CAPN15: variants seen among roughly 807,000 people sequenced by gnomAD.
CAPN15 encodes calpain 15, also known as calpain-15.
In CAPN15, 53 loss-of-function variants were observed where a neutral mutation model predicts 97.9. The ratio of observed to expected loss-of-function variants is 0.54; its 90% confidence interval spans 0.43 to 0.68. The LOEUF is 0.68. Ranked by LOEUF, CAPN15 falls within the 30% of genes least tolerant of loss-of-function variation. The pLI is 0.00. For synonymous variants in CAPN15, 922 were observed against 722.5 expected (o/e 1.28, Z -4.43); for missense variants, 1,592 against 1,589.8 (o/e 1.00, Z -0.02).
Position 549,479 on chromosome 16 carries a change from G to A in CAPN15, c.1842+8G>A, listed in dbSNP as rs752761780. On this transcript the variant is annotated splice_region_variant and intron_variant, in intron 6 of 13. Coordinates refer to ENST00000219611, the MANE Select transcript of CAPN15 (RefSeq NM_005632.3). Reference sequence around the variant, plus strand: ...TGCCTCCTCTTCTCACAGGTGGGGCGGCCTGCAGGGTGGGCACGGGCGGCA... The same window carrying A: ...TGCCTCCTCTTCTCACAGGTGGGGCAGCCTGCAGGGTGGGCACGGGCGGCA... The A allele has an allele frequency of 3.5e-5, 56 of 1,581,860 alleles. No homozygotes were observed. In the South Asian group the frequency reaches 4.1e-4, roughly 11 times the overall value.
chr16:542,864 G>C (rs563758182), intron 3 of CAPN15, among the ~76,000 whole-genome samples: 2 of 152,158 alleles, frequency 1.3e-5, no homozygotes, highest in East Asian at 1.9e-4. Context: ...GACCAGCCTG[G>C]CCAACATGGT....
intron 5 of CAPN15, 30 bp downstream of exon 5, chr16:549,231 C>T (rs913278223): frequency 3.8e-4 from 24 of 62,968 alleles, no homozygotes; most frequent in Middle Eastern, 5.6e-3. Flanking sequence ...CGGGGTGGGG[C>T]GGGTGGGCGG....
intron 1 of CAPN15, among the ~76,000 whole-genome samples, chr16:533,390 G>A (rs2141954696): frequency 1.3e-5 from 2 of 152,296 alleles, no homozygotes; most frequent in Middle Eastern, 6.8e-3. Flanking sequence ...AAGCAAAGCC[G>A]CCTGGCTCGA....
intron 1 of CAPN15, among the ~76,000 whole-genome samples, chr16:529,685 T>G (rs1321336010): frequency 6.6e-6 from 1 of 152,116 alleles, no homozygotes; most frequent in African/African-American, 2.4e-5. Flanking sequence ...ATGCCTCTAC[T>G]CATGGCAACA....
chr16:534,405 T>A (rs1340564914), intron 2 of CAPN15, among the ~76,000 whole-genome samples: 1 of 152,154 alleles, frequency 6.6e-6, no homozygotes, highest in African/African-American at 2.4e-5. Flanking sequence ...CCTGCACCTG[T>A]TTCTGGAGAA....
chr16:547,805 G>A lies in CAPN15; in HGVS notation c.967G>A (p.Asp323Asn), dbSNP rs756247559. 1 of 1,612,020 alleles carries A rather than the reference G, an allele frequency of 6.2e-7. No individual in the cohort carries two copies. Among genetic ancestry groups the A allele is most frequent in the South Asian group, 1.1e-5 (1 of 91,006 alleles). Reference protein sequence around the residue: ...GSSTSGSDIIDLAGDTVRYTP... With the variant: ...GSSTSGSDIINLAGDTVRYTP... ...CTCCACCTCGGGCAGTGACATCATT[G>A]ACCTGGCCGGAGACACCGTGCGTTA... is the stretch of plus-strand genomic sequence containing the variant. The change falls in exon 4 of 14, where the codon GAC becomes AAC. Residue 323 changes from aspartate to asparagine, a missense_variant. Asp to Asn is a conservative substitution (Grantham distance 23). Around this residue, in one of 3 missense-constraint regions of CAPN15, gnomAD observed 883 missense variants for 776.6 expected, o/e 1.14. Coordinates refer to ENST00000219611, the MANE Select transcript of CAPN15 (RefSeq NM_005632.3).
chr16:532,272 G>A (rs1053620249), intron 1 of CAPN15, among the ~76,000 whole-genome samples: 9 of 150,160 alleles, frequency 6.0e-5, no homozygotes, highest in Non-Finnish European at 1.3e-4. Flanking sequence ...AGTAGAATTC[G>A]GTTGGGCTCA....
At chr16:541,193 G>A (rs866367296) in intron 3 of CAPN15, among the ~76,000 whole-genome samples, 1 of 152,248 alleles carries the variant, frequency 6.6e-6, no homozygotes, top group South Asian at 2.1e-4. Flanking sequence ...AGTGGGCAAG[G>A]CCATGGCAGG....
At chr16:534,069 C>A in intron 2 of CAPN15, 71 bp downstream of exon 2, 2 of 843,594 alleles carry the variant, frequency 2.4e-6, no homozygotes, top group Non-Finnish European at 2.9e-6. Context: ...TGTGGAGCAG[C>A]AGGGTTGGAG....
Position 533,978 on chromosome 16 carries a change from G to C in CAPN15, c.-157G>C. 2.0e-6 allele frequency: 2 copies of C among 985,458 alleles called. No homozygotes were observed. The highest frequency in any genetic ancestry group is 2.4e-6 in the Non-Finnish European group (2 of 829,934). The allele number at this position is 985,458 out of a possible 1,614,324, so 61.0% of individuals were successfully genotyped here. A position where few individuals can be genotyped will look rare whatever the true frequency, so the allele number is the denominator to read the frequency against. On this transcript the variant is annotated 5_prime_UTR_variant, in exon 2 of 14. Transcript: ENST00000219611. ...CCCAGACGCGGCACAGAGAGGGCCT[G>C]GGAGCTTGCTGCAGCTTCAGGTGAG...
chr16:552,853 C>T lies in CAPN15; in HGVS notation c.2905-10C>T. The T allele has an allele frequency of 1.3e-6, 2 of 1,589,340 alleles. No individual in the cohort carries two copies. The highest frequency in any genetic ancestry group is 1.3e-5 in the African/African-American group (1 of 74,556). ...CTCCCCTGCCCCACAACTGCCATTC[C>T]TGTGCCCAGGGCCGTGAGGGCATGA... On this transcript the variant is annotated splice_polypyrimidine_tract_variant and intron_variant, in intron 12 of 13. Transcript: ENST00000219611. This position sits in a 1 kb window ranked among gnomAD's most constrained non-coding sequence, Gnocchi z 6.4.
chr16:544,646 G>C (rs911150362), intron 3 of CAPN15, among the ~76,000 whole-genome samples: 1 of 151,218 alleles, frequency 6.6e-6, no homozygotes, highest in African/African-American at 2.4e-5. Context: ...CAGTTGCCTC[G>C]ATCTTCCATC....
At position 547,846 on chromosome 16, in the gene CAPN15, C is replaced by T; in HGVS notation, c.1008C>T (p.Pro336=). The change falls in exon 4 of 14, where the codon CCC becomes CCT. Residue 336 remains proline, a synonymous_variant. Transcript: ENST00000219611. ...GDTVRYTPAS[P]SSPDFTTWSC... Reference sequence around the variant, plus strand: ...CCGTGCGTTACACGCCCGCCAGCCCCTCCAGCCCCGACTTCACCACCTGGT... The same window carrying T: ...CCGTGCGTTACACGCCCGCCAGCCCTTCCAGCCCCGACTTCACCACCTGGT... 1.9e-6 allele frequency: 3 copies of T among 1,611,034 alleles called. No individual in the cohort carries two copies. The highest frequency in any genetic ancestry group is 2.5e-6 in the Non-Finnish European group (3 of 1,179,158).
intron 7 of CAPN15, 68 bp downstream of exon 7, chr16:549,906 TG>T: frequency 7.7e-7 from 1 of 1,296,914 alleles, no homozygotes; most frequent in Non-Finnish European, 1.1e-6. Flanking sequence ...GTGGGAGATG[TG>T]GGGCTGGTGG....
chr16:543,432 GTGGGGCGTGTGT>G (rs931771180), intron 3 of CAPN15: 1 of 152,632 alleles, frequency 6.6e-6, no homozygotes, highest in African/African-American at 2.4e-5. Flanking sequence ...TGCCGGGTAT[GTGGGGCGTGTGT>G]TAGACTTTGG....
At chr16:545,227 A>T (rs893960954) in intron 3 of CAPN15, among the ~76,000 whole-genome samples, 3 of 150,826 alleles carry the variant, frequency 2.0e-5, no homozygotes, top group African/African-American at 7.3e-5. Flanking sequence ...GAGCCCATGA[A>T]CCTGCCCAGG....
rs753624220 is a variant in CAPN15, at chr16:553,334, C to T, written c.3084-5C>T. On this transcript the variant is annotated splice_region_variant and splice_polypyrimidine_tract_variant and intron_variant, in intron 13 of 13. Transcript: ENST00000219611. The stretch of plus-strand genomic sequence containing the variant: ...CCACAGGTCCTCACCGGTCCCCTCC[C>T]CCAGGCAGGTCCTGGTGATCTTGTC... 2 of 1,599,524 alleles carry T rather than the reference C, an allele frequency of 1.3e-6. No homozygotes were observed. The highest frequency in any genetic ancestry group is 1.1e-5 in the South Asian group (1 of 90,012).
intron 1 of CAPN15, among the ~76,000 whole-genome samples, chr16:528,510 C>A (rs564849507): frequency 7.1e-4 from 108 of 152,326 alleles, no homozygotes; most frequent in African/African-American, 2.5e-3. Context: ...GCGGGAGCCC[C>A]GTCTGTGCCA....
At position 552,906 on chromosome 16, in the gene CAPN15, C is replaced by T. The variant is rs778416042; in HGVS notation, c.2948C>T (p.Ala983Val). 5 of 1,607,366 alleles carry T rather than the reference C, an allele frequency of 3.1e-6. No homozygotes were observed. Among genetic ancestry groups the T allele is most frequent in the South Asian group, 1.1e-5 (1 of 90,776 alleles). The change falls in exon 13 of 14, where the codon GCG (alanine) becomes GTG (valine). Residue 983 changes from alanine to valine, a missense_variant. By Grantham distance (64) the Ala-to-Val change is moderately conservative. This residue lies in a region of CAPN15 where 644 missense variants were observed against 699.6 expected (regional missense o/e 0.92). Coordinates refer to ENST00000219611, the MANE Select transcript of CAPN15 (RefSeq NM_005632.3). This position sits in a 1 kb window ranked among gnomAD's most constrained non-coding sequence, Gnocchi z 6.4. ...TGCTACTACCTGACACACGGTTGGG[C>T]GGGGCTCATCGTGGTGGTGGAGAAC... ...MTCYYLTHGWAGLIVVVENRH... is the reference protein window; with the variant it reads ...MTCYYLTHGWVGLIVVVENRH...
Sources: gnomAD v4.1 joint callset for allele counts (sites outside exome capture counted in the v4.1 genomes callset) on GRCh38, gnomAD v4.1.1 for gene constraint, gnomAD v4.1.1 regional missense constraint, Gnocchi (gnomAD v3.1) non-coding constraint, MANE v1.5 for transcripts, NCBI Gene and HGNC (gene_info 2026-07-23, HGNC 2026-07-21) for gene names.